The following PYGO1 variants were observed in gnomAD, a reference collection of about 807,000 sequenced individuals.
PYGO1 encodes pygopus family PHD finger 1, also known as pygopus homolog 1.
A neutral mutation model predicts 29.5 loss-of-function variants in PYGO1; 6 were observed. The observed-to-expected ratio is 0.20, with a 90% CI of 0.11 to 0.40. The LOEUF is 0.40. PYGO1 is among the 10% of genes least tolerant of loss of function. The pLI is 1.00. For missense variants in PYGO1, 515 were observed against 514.9 expected (o/e 1.00, Z 0.00); for synonymous variants, 186 against 180.5 (o/e 1.03, Z -0.24).
At chr15:55,552,151 T>C (rs2058881525) in intron 1 of PYGO1, among the ~76,000 whole-genome samples, 2 of 151,622 alleles carry the variant, frequency 1.3e-5, no homozygotes, top group South Asian at 4.2e-4. Flanking sequence ...GGTCAGGAGT[T>C]CGAGACCAGC....
chr15:55,556,049 T>C (rs1441194193), intron 1 of PYGO1, among the ~76,000 whole-genome samples: 1 of 151,540 alleles, frequency 6.6e-6, no homozygotes, highest in Non-Finnish European at 1.5e-5. Flanking sequence ...TCCCACAAAA[T>C]AATACTGGGA....
chr15:55,556,097 C>G (rs1187529906), intron 1 of PYGO1, among the ~76,000 whole-genome samples: 1 of 151,976 alleles, frequency 6.6e-6, no homozygotes, highest in Admixed American at 6.6e-5. Context: ...GACAGATTAT[C>G]GAGACACAAA....
chr15:55,558,409 T>C (rs1431409527), intron 1 of PYGO1, among the ~76,000 whole-genome samples: 2 of 152,012 alleles, frequency 1.3e-5, no homozygotes, highest in African/African-American at 4.8e-5. Flanking sequence ...ATCGTGAAAA[T>C]GGCCATACTG....
At chr15:55,568,338 G>GTA (rs2058965959) in intron 1 of PYGO1, among the ~76,000 whole-genome samples, 1 of 150,722 alleles carries the variant, frequency 6.6e-6, no homozygotes, top group African/African-American at 2.4e-5. Context: ...GTGTGTGTGT[G>GTA]TGTGTGTGTG....
chr15:55,574,820 A>G (rs1467023541), intron 1 of PYGO1, among the ~76,000 whole-genome samples: 3 of 152,226 alleles, frequency 2.0e-5, no homozygotes, highest in Non-Finnish European at 4.4e-5. Context: ...GAGTCCAAGT[A>G]TCTTTGTTTT....
intron 1 of PYGO1, among the ~76,000 whole-genome samples, chr15:55,559,640 C>T (rs2058923626): frequency 6.6e-6 from 1 of 152,122 alleles, no homozygotes; most frequent in Non-Finnish European, 1.5e-5. Context: ...CAATGGAATA[C>T]TATGCAGCCA....
At chr15:55,575,017 T>C (rs1219071610) in intron 1 of PYGO1, among the ~76,000 whole-genome samples, 1 of 152,222 alleles carries the variant, frequency 6.6e-6, no homozygotes, top group East Asian at 1.9e-4. Flanking sequence ...ATATACATTA[T>C]TTCATCTGAT....
At chr15:55,570,664 T>C (rs751364174) in intron 1 of PYGO1, among the ~76,000 whole-genome samples, 39 of 152,104 alleles carry the variant, frequency 2.6e-4, no homozygotes, top group Non-Finnish European at 5.1e-4. Context: ...TAAAGAGAAT[T>C]TGCACATACC....
intron 1 of PYGO1, among the ~76,000 whole-genome samples, chr15:55,567,907 T>C (rs1268171565): frequency 6.6e-6 from 1 of 152,218 alleles, no homozygotes; most frequent in African/African-American, 2.4e-5. Flanking sequence ...TACAAGTATG[T>C]GGCTTTATTT....
chr15:55,582,016 G>C (rs955330587), intron 1 of PYGO1, among the ~76,000 whole-genome samples: 3 of 151,972 alleles, frequency 2.0e-5, no homozygotes, highest in Non-Finnish European at 4.4e-5. Flanking sequence ...AGACCAGCCT[G>C]GCCAACATGA....
In PYGO1 at chr15:55,546,459, T is replaced by A. The variant is rs949944347; in HGVS notation, c.824A>T (p.Asn275Ile). 7 of 1,614,060 alleles carry A rather than the reference T, an allele frequency of 4.3e-6. No homozygotes were observed. Among genetic ancestry groups the A allele is most frequent in the Admixed American group, 1.7e-5 (1 of 60,002 alleles). Residue 275 changes from asparagine to isoleucine, a missense_variant, in exon 3 of 3, where the codon AAT becomes ATT. Physicochemically the swap from Asn to Ile is moderately radical, Grantham distance 149. Transcript: ENST00000563719. The part of the protein sequence containing the change: ...TVNQSNIELK[N>I]VNRNNAVNQE... Reference sequence around the variant, plus strand: ...ATTTACTGCATTGTTTCGATTAACATTTTTTAATTCAATATTACTCTGATT... The same window carrying A: ...ATTTACTGCATTGTTTCGATTAACAATTTTTAATTCAATATTACTCTGATT...
At chr15:55,561,862 C>G (rs2141659682) in intron 1 of PYGO1, among the ~76,000 whole-genome samples, 1 of 152,198 alleles carries the variant, frequency 6.6e-6, no homozygotes, top group East Asian at 1.9e-4. Context: ...CAAATGGGAT[C>G]TAAACTAAAG....
At chr15:55,564,791 C>T (rs79772110) in intron 1 of PYGO1, among the ~76,000 whole-genome samples, 1,797 of 152,250 alleles carry the variant, frequency 0.012, 40 homozygotes, top group African/African-American at 0.041. Flanking sequence ...GTTCAAAAAT[C>T]AGAAATTGGG....
At chr15:55,548,368 G>A (rs16953251) in intron 2 of PYGO1, among the ~76,000 whole-genome samples, 1 of 151,542 alleles carries the variant, frequency 6.6e-6, no homozygotes, top group Non-Finnish European at 1.5e-5. Flanking sequence ...GCAGTATCTA[G>A]TCTATGCCTA....
chr15:55,551,444 G>A (rs1374232773), intron 1 of PYGO1, among the ~76,000 whole-genome samples: 1 of 152,026 alleles, frequency 6.6e-6, no homozygotes, highest in Admixed American at 6.6e-5. Context: ...TGATACCAAA[G>A]CCAGACAATG....
intron 1 of PYGO1, among the ~76,000 whole-genome samples, chr15:55,550,331 T>A (rs1241974128): frequency 3.3e-5 from 5 of 152,150 alleles, no homozygotes; most frequent in Admixed American, 6.5e-5. Context: ...TTTGCTAGGG[T>A]CTTCCAACGG....
Position 55,539,993 on chromosome 15 carries a change from T to C in PYGO1, c.*6030A>G, listed in dbSNP as rs944399759. 6.6e-6 allele frequency: 1 copy of C among 152,084 alleles called. No individual in the cohort carries two copies. The highest frequency in any genetic ancestry group is 2.4e-5 in the African/African-American group (1 of 41,442). The allele number at this position is 152,084 out of a possible 1,614,324, so 9.4% of individuals were successfully genotyped here. ...TTTCTTTCAAGTGTATGATTTCAAA[T>C]GTACAAATTTGCATTGGCCAAGTAT... On this transcript the variant is annotated 3_prime_UTR_variant, in exon 3 of 3. Coordinates refer to ENST00000563719, the MANE Select transcript of PYGO1 (RefSeq NM_001367806.1).
chr15:55,559,271 C>A (rs1349431393), intron 1 of PYGO1, among the ~76,000 whole-genome samples: 5 of 152,018 alleles, frequency 3.3e-5, no homozygotes, highest in Admixed American at 3.3e-4. Context: ...AAATCAAAAC[C>A]ACAATGAGAT....
At position 55,545,801 on chromosome 15, in the gene PYGO1, T is replaced by C. The variant is rs1324530447; in HGVS notation, c.*222A>G. 7.5e-6 allele frequency: 3 copies of C among 397,604 alleles called. No individual in the cohort carries two copies. In the South Asian group the frequency reaches 3.0e-4, roughly 40 times the overall value. The allele number at this position is 397,604 out of a possible 1,614,324, so 24.6% of individuals were successfully genotyped here. On this transcript the variant is annotated 3_prime_UTR_variant, in exon 3 of 3. Transcript: ENST00000563719. ...TTGTGATAAATAACAACAACTAACA[T>C]TTATTTATGTTTCTAAAGCACCCCC...
Sources: gnomAD v4.1 joint callset for allele counts (sites outside exome capture counted in the v4.1 genomes callset) on GRCh38, gnomAD v4.1.1 for gene constraint, MANE v1.5 for transcripts, NCBI Gene and HGNC (gene_info 2026-07-23, HGNC 2026-07-21) for gene names.